The following CDH18 variants were observed in gnomAD, a reference collection of about 807,000 sequenced individuals.
The protein encoded by CDH18 is cadherin 18.
Under a neutral mutation model 67.9 loss-of-function variants are expected in CDH18, and 31 were observed. The ratio of observed to expected loss-of-function variants is 0.46; its 90% CI spans 0.34 to 0.62. The LOEUF (loss-of-function observed/expected upper bound fraction) is 0.62, where lower values mean the gene tolerates loss of function less well. Ranked by LOEUF, CDH18 falls within the 20% of genes least tolerant of loss-of-function variation. CDH18 has a pLI of 0.01. For synonymous variants in CDH18, 362 were observed against 347.2 expected (o/e 1.04, Z -0.48); for missense variants, 890 against 975.5 (o/e 0.91, Z 1.17).
chr5:19,872,974 T>C (rs1786490485), intron 2 of CDH18, among the ~76,000 whole-genome samples: 1 of 152,116 alleles, frequency 6.6e-6, no homozygotes, highest in African/African-American at 2.4e-5. Context: ...AGGATAATCT[T>C]GTCAAAGGAC....
intron 1 of CDH18, among the ~76,000 whole-genome samples, chr5:20,575,071 G>C (rs978670578): frequency 3.3e-5 from 5 of 151,650 alleles, no homozygotes; most frequent in African/African-American, 1.2e-4. Context: ...ACACAGCAAT[G>C]GTCCTTTCTT....
At chr5:19,690,638 G>A (rs1319308378) in intron 5 of CDH18, among the ~76,000 whole-genome samples, 1 of 151,438 alleles carries the variant, frequency 6.6e-6, no homozygotes, top group Non-Finnish European at 1.5e-5. Context: ...AAAAATCAGA[G>A]ACAACATGAA....
At chr5:19,733,105 A>G (rs1041167965) in intron 4 of CDH18, among the ~76,000 whole-genome samples, 17 of 152,154 alleles carry the variant, frequency 1.1e-4, no homozygotes, top group Non-Finnish European at 2.4e-4. Flanking sequence ...GGCAGGAGGC[A>G]GAGAAATCCT....
chr5:20,035,742 T>C (rs1561735206), intron 2 of CDH18, among the ~76,000 whole-genome samples: 1 of 151,950 alleles, frequency 6.6e-6, no homozygotes, highest in Non-Finnish European at 1.5e-5. Context: ...AACAAAACCA[T>C]ATCAGTCATC....
chr5:19,957,179 G>A (rs929766681), intron 2 of CDH18, among the ~76,000 whole-genome samples: 7 of 151,778 alleles, frequency 4.6e-5, no homozygotes, highest in African/African-American at 1.7e-4. Flanking sequence ...AATCAGCCCT[G>A]GGGCATCTGG....
intron 1 of CDH18, among the ~76,000 whole-genome samples, chr5:20,418,930 C>G (rs1413493412): frequency 6.6e-6 from 1 of 151,996 alleles, no homozygotes; most frequent in Non-Finnish European, 1.5e-5. Context: ...ACCAAACATT[C>G]TCTCTCCATA....
intron 3 of CDH18, among the ~76,000 whole-genome samples, chr5:19,776,034 AAATTATC>A: frequency 6.6e-6 from 1 of 152,146 alleles, no homozygotes; most frequent in East Asian, 1.9e-4. Flanking sequence ...ACTGTACACA[AAATTATC>A]AGAGAAATAA....
intron 8 of CDH18, among the ~76,000 whole-genome samples, chr5:19,555,410 C>T (rs1738211975): frequency 6.6e-6 from 1 of 152,158 alleles, no homozygotes; most frequent in Admixed American, 6.5e-5. Flanking sequence ...TGGAAATAAA[C>T]TTGGTGATGT....
In CDH18 at chr5:19,480,656, A is replaced by G. The variant is rs1383964395; in HGVS notation, c.1882+2645T>C. Among the ~76,000 whole-genome samples, 4 of 152,136 alleles carry G rather than the reference A, an allele frequency of 2.6e-5. No homozygotes were observed. In the East Asian group the frequency reaches 7.7e-4, roughly 29 times the overall value. ...CCTCCCAAAGTGCTGGGATTATGGC[A>G]TGAGCCACCGCGCCCGGCCATATAA... On this transcript the variant is annotated intron_variant, in intron 12 of 12. Coordinates refer to ENST00000382275, the MANE Select transcript of CDH18 (RefSeq NM_004934.5).
intron 10 of CDH18, 61 bp downstream of exon 10, chr5:19,520,596 A>C: frequency 6.8e-7 from 1 of 1,460,912 alleles, no homozygotes; most frequent in Non-Finnish European, 9.2e-7. Flanking sequence ...TAAGAATAAT[A>C]AAAATAAAGG....
At chr5:20,302,433 G>A (rs1156780409) in intron 1 of CDH18, among the ~76,000 whole-genome samples, 9 of 152,088 alleles carry the variant, frequency 5.9e-5, no homozygotes, top group Non-Finnish European at 1.2e-4. Flanking sequence ...CTCCCTAGGT[G>A]CCTACTATCG....
intron 5 of CDH18, among the ~76,000 whole-genome samples, chr5:19,643,320 G>GT (rs1435444818): frequency 6.6e-6 from 1 of 152,102 alleles, no homozygotes; most frequent in African/African-American, 2.4e-5. Context: ...TGATCCAGCA[G>GT]TTTCAGTTCT....
At chr5:19,937,021 C>T (rs10073385) in intron 2 of CDH18, among the ~76,000 whole-genome samples, 91,073 of 150,962 alleles carry the variant, frequency 0.6, 27,872 homozygotes, top group Middle Eastern at 0.72. Context: ...TATGTACACT[C>T]ATATGTTACT....
intron 2 of CDH18, among the ~76,000 whole-genome samples, chr5:19,877,511 T>G (rs532878095): frequency 3.3e-5 from 5 of 152,186 alleles, no homozygotes; most frequent in Admixed American, 6.6e-5. Flanking sequence ...CTTCACAGCA[T>G]GTGCACATGA....
Position 20,263,916 on chromosome 5 carries a change from A to T in CDH18, c.-579-8411T>A, listed in dbSNP as rs564328172. ...CTAAGGAAAAGGTTATGGTATTTTA[A>T]ATCTTATTTACCTAAATATAAAAAT... On this transcript the variant is annotated intron_variant, in intron 1 of 14. Transcript: ENST00000507958. 7.2e-5 allele frequency among the ~76,000 whole-genome samples: 11 copies of T among 152,242 alleles called. No homozygotes were observed. The South Asian group carries it at 2.1e-3, about 29-fold the overall frequency.
intron 9 of CDH18, among the ~76,000 whole-genome samples, chr5:19,527,752 T>C (rs942639784): frequency 9.2e-5 from 14 of 151,778 alleles, no homozygotes; most frequent in African/African-American, 3.4e-4. Flanking sequence ...CTTTTGTCAG[T>C]TTACAGTAAG....
chr5:20,534,860 G>A (rs932043425), intron 1 of CDH18, among the ~76,000 whole-genome samples: 10 of 83,670 alleles, frequency 1.2e-4, no homozygotes, highest in African/African-American at 2.5e-4. Flanking sequence ...TATTTATTTA[G>A]AGTCAGGGTC....
chr5:20,265,343 T>C (rs1349277123), intron 1 of CDH18, among the ~76,000 whole-genome samples: 1 of 152,100 alleles, frequency 6.6e-6, no homozygotes, highest in East Asian at 1.9e-4. Context: ...TCCTTTTTCC[T>C]CTATGAATGC....
At chr5:19,687,127 T>C (rs1761205416) in intron 5 of CDH18, among the ~76,000 whole-genome samples, 1 of 152,148 alleles carries the variant, frequency 6.6e-6, no homozygotes, top group Non-Finnish European at 1.5e-5. Context: ...CTCCCCACTG[T>C]GTGGAGCAGT....
Sources: gnomAD v4.1 joint callset for allele counts (sites outside exome capture counted in the v4.1 genomes callset) on GRCh38, gnomAD v4.1.1 for gene constraint, MANE v1.5 for transcripts, NCBI Gene and HGNC (gene_info 2026-07-23, HGNC 2026-07-21) for gene names.